GRAMD2B: variants seen among roughly 807,000 people sequenced by gnomAD.
GRAMD2B encodes the protein GRAM domain containing 2B, also known as GRAM domain-containing protein 2B.
A neutral mutation model predicts 59.2 loss-of-function variants in GRAMD2B; 41 were observed. The ratio of observed to expected loss-of-function variants is 0.69; its 90% confidence interval spans 0.54 to 0.90. The LOEUF is 0.90. Ranked by LOEUF, GRAMD2B falls within the 40% of genes least tolerant of loss-of-function variation. The pLI, the probability that GRAMD2B is intolerant of heterozygous loss-of-function variation, is 0.00. For missense variants in GRAMD2B, 424 were observed against 500.5 expected, an observed-to-expected ratio of 0.85 and a Z score of 1.46; for synonymous variants, 161 against 182.7, an observed-to-expected ratio of 0.88 and a Z score of 0.96.
chr5:126,366,481 C>T (rs1309708652), upstream of GRAMD2B, among the ~76,000 whole-genome samples: 1 of 152,316 alleles, frequency 6.6e-6, no homozygotes, highest in East Asian at 1.9e-4. Flanking sequence ...TCTTCATTGT[C>T]ATTACCATCA....
At chr5:126,432,840 A>C (rs1761794210) in intron 1 of GRAMD2B, among the ~76,000 whole-genome samples, 1 of 152,252 alleles carries the variant, frequency 6.6e-6, no homozygotes. Context: ...AAAGAATGAC[A>C]GCACCTTTTC....
At chr5:126,385,965 G>C (rs1012080653) in intron 1 of GRAMD2B, among the ~76,000 whole-genome samples, 1 of 152,166 alleles carries the variant, frequency 6.6e-6, no homozygotes, top group Non-Finnish European at 1.5e-5. Flanking sequence ...AAAGAACACT[G>C]GGTCTCTGGA....
At chr5:126,383,446 T>C (rs550471868) in intron 1 of GRAMD2B, among the ~76,000 whole-genome samples, 1 of 152,314 alleles carries the variant, frequency 6.6e-6, no homozygotes, top group East Asian at 1.9e-4. Context: ...TGAGTGCTTA[T>C]ATATAGCCCA....
intron 4 of GRAMD2B, among the ~76,000 whole-genome samples, chr5:126,472,753 A>G (rs1287771086): frequency 6.6e-6 from 1 of 152,210 alleles, no homozygotes; most frequent in African/African-American, 2.4e-5. Context: ...AAGCACGCCT[A>G]CTAGACTCTG....
intron 1 of GRAMD2B, among the ~76,000 whole-genome samples, chr5:126,435,107 C>T (rs998824448): frequency 3.3e-5 from 5 of 152,184 alleles, no homozygotes; most frequent in Non-Finnish European, 5.9e-5. Flanking sequence ...TTACCTAATG[C>T]TTACTCTGTG....
At chr5:126,429,786 C>A (rs2149797195) in intron 1 of GRAMD2B, among the ~76,000 whole-genome samples, 1 of 152,330 alleles carries the variant, frequency 6.6e-6, no homozygotes, top group South Asian at 2.1e-4. Context: ...AGCACCTGAG[C>A]ATTTCTTTGA....
At chr5:126,428,941 G>T (rs1012619104) in intron 1 of GRAMD2B, among the ~76,000 whole-genome samples, 7 of 152,062 alleles carry the variant, frequency 4.6e-5, no homozygotes, top group Admixed American at 2.0e-4. Context: ...TGTTGCTGGG[G>T]GTGTAAATTA....
At chr5:126,485,573 G>A in intron 10 of GRAMD2B, 113 bp from the exon 11 acceptor site, 1 of 618,490 alleles carries the variant, frequency 1.6e-6, no homozygotes, top group Admixed American at 3.2e-5. Context: ...TATTTTCTCT[G>A]ATTTCTTTTA....
chr5:126,367,432 T>TGGAGGA (rs70994862), upstream of GRAMD2B, among the ~76,000 whole-genome samples: 11,153 of 140,188 alleles, frequency 0.08, 573 homozygotes, highest in African/African-American at 0.12. Context: ...CTGTAAAAAC[T>TGGAGGA]GGAGGAGGAG....
At chr5:126,469,555 A>T in intron 2 of GRAMD2B, 122 bp from the exon 3 acceptor site, 2 of 677,340 alleles carry the variant, frequency 3.0e-6, no homozygotes, top group Non-Finnish European at 5.3e-6. Context: ...GGATCGCTTG[A>T]GTCCTGGACG....
chr5:126,435,257 A>C (rs1206151366), intron 1 of GRAMD2B, among the ~76,000 whole-genome samples: 1 of 152,192 alleles, frequency 6.6e-6, no homozygotes, highest in Non-Finnish European at 1.5e-5. Flanking sequence ...GTGAGGATAG[A>C]GATGTAGCCA....
chr5:126,464,348 G>A (rs1056871825), intron 1 of GRAMD2B, among the ~76,000 whole-genome samples: 1 of 152,182 alleles, frequency 6.6e-6, no homozygotes, highest in Admixed American at 6.5e-5. Flanking sequence ...ATCCTCAGAA[G>A]TATCGTTTGT....
exon 1 of GRAMD2B, chr5:126,371,474 C>T (rs570304263): frequency 1.0e-5 from 13 of 1,289,038 alleles, no homozygotes; most frequent in Middle Eastern, 2.1e-4. Flanking sequence ...TCTAGTGACA[C>T]GGTGTTCCGG....
At chr5:126,451,178 A>T (rs1163903798) in intron 1 of GRAMD2B, among the ~76,000 whole-genome samples, 3 of 152,158 alleles carry the variant, frequency 2.0e-5, no homozygotes. Context: ...TTGGGAGCCC[A>T]CTCCTTGCAC....
intron 5 of GRAMD2B, among the ~76,000 whole-genome samples, chr5:126,476,731 T>C (rs1770700276): frequency 6.6e-6 from 1 of 152,242 alleles, no homozygotes; most frequent in South Asian, 2.1e-4. Flanking sequence ...TCAATAATGG[T>C]AGCTTCTATA....
At chr5:126,452,372 C>T (rs1561544073) in intron 1 of GRAMD2B, among the ~76,000 whole-genome samples, 1 of 152,118 alleles carries the variant, frequency 6.6e-6, no homozygotes, top group Admixed American at 6.5e-5. Flanking sequence ...GCCTTCACCT[C>T]GGGGGTTAGA....
chr5:126,464,661 C>T (rs1282170440), intron 1 of GRAMD2B, among the ~76,000 whole-genome samples: 3 of 152,230 alleles, frequency 2.0e-5, no homozygotes, highest in Non-Finnish European at 4.4e-5. Context: ...TAAGTCAACA[C>T]TATCCTAGAC....
At chr5:126,436,479 C>G (rs1023450819) in intron 1 of GRAMD2B, among the ~76,000 whole-genome samples, 2 of 152,002 alleles carry the variant, frequency 1.3e-5, no homozygotes, top group Non-Finnish European at 2.9e-5. Context: ...CAAGACCCTG[C>G]CTCTACCACA....
chr5:126,488,510 A>T (rs1773368964), intron 12 of GRAMD2B, among the ~76,000 whole-genome samples: 2 of 152,234 alleles, frequency 1.3e-5, no homozygotes, highest in South Asian at 4.1e-4. Context: ...CTAAGAAACC[A>T]CGTGCTTGAA....
Sources: gnomAD v4.1 joint callset for allele counts (sites outside exome capture counted in the v4.1 genomes callset) on GRCh38, gnomAD v4.1.1 for gene constraint, MANE v1.5 for transcripts, NCBI Gene and HGNC (gene_info 2026-07-23, HGNC 2026-07-21) for gene names.